Variants in NDUFAF2 observed in about 807,000 individuals in gnomAD.
NDUFAF2 encodes the protein NADH:ubiquinone oxidoreductase complex assembly factor 2.
A neutral mutation model predicts 22.8 loss-of-function variants in NDUFAF2; 13 were observed. That is an observed-to-expected ratio of 0.57 (90% CI 0.37 to 0.91). NDUFAF2 has a LOEUF of 0.91. Ranked by LOEUF, NDUFAF2 falls within the 40% of genes least tolerant of loss-of-function variation. NDUFAF2 has a pLI of 0.01. For synonymous variants in NDUFAF2, 53 were observed against 64.2 expected, an observed-to-expected ratio of 0.83 and a Z score of 0.84; for missense variants, 162 against 195.2, an observed-to-expected ratio of 0.83 and a Z score of 1.01.
At chr5:61,056,698 G>C (rs976041883) in intron 1 of NDUFAF2, among the ~76,000 whole-genome samples, 5 of 151,294 alleles carry the variant, frequency 3.3e-5, no homozygotes, top group Non-Finnish European at 5.9e-5. Context: ...AACCAGCCTG[G>C]CCAACATGGT....
chr5:60,976,220 A>T (rs182303247), intron 1 of NDUFAF2, among the ~76,000 whole-genome samples: 19 of 152,296 alleles, frequency 1.2e-4, no homozygotes, highest in Non-Finnish European at 2.2e-4. Context: ...GTAAATTTTT[A>T]AAAAAATTTA....
intron 3 of NDUFAF2, among the ~76,000 whole-genome samples, chr5:61,152,062 A>G (rs866576042): frequency 1.1e-4 from 17 of 152,322 alleles, no homozygotes; most frequent in African/African-American, 3.8e-4. Flanking sequence ...TAGAATTCTG[A>G]GGAACAGAAC....
intron 1 of NDUFAF2, among the ~76,000 whole-genome samples, chr5:60,998,603 G>A (rs1280172229): frequency 6.6e-6 from 1 of 151,974 alleles, no homozygotes; most frequent in Non-Finnish European, 1.5e-5. Flanking sequence ...AAAATGTGAT[G>A]GGGTTCGAGT....
At chr5:61,084,816 A>G (rs771479549) in intron 2 of NDUFAF2, among the ~76,000 whole-genome samples, 1 of 152,184 alleles carries the variant, frequency 6.6e-6, no homozygotes, top group African/African-American at 2.4e-5. Context: ...ATTTAAACCT[A>G]TGTAAATAGG....
At chr5:61,143,786 T>C (rs964251206) in intron 3 of NDUFAF2, among the ~76,000 whole-genome samples, 1 of 152,142 alleles carries the variant, frequency 6.6e-6, no homozygotes, top group Non-Finnish European at 1.5e-5. Context: ...GTTGAATTTA[T>C]TTTAAATTAT....
intron 1 of NDUFAF2, among the ~76,000 whole-genome samples, chr5:60,991,066 C>G (rs906964965): frequency 6.6e-6 from 1 of 152,128 alleles, no homozygotes; most frequent in Non-Finnish European, 1.5e-5. Flanking sequence ...CCAATTAACA[C>G]TTTTGAACTA....
chr5:60,978,416 A>G (rs1750931802), intron 1 of NDUFAF2, among the ~76,000 whole-genome samples: 1 of 152,184 alleles, frequency 6.6e-6, no homozygotes, highest in Non-Finnish European at 1.5e-5. Context: ...CAGGAAGCAT[A>G]GTGGCTTCTA....
chr5:61,137,719 G>A (rs933811004), intron 3 of NDUFAF2, among the ~76,000 whole-genome samples: 5 of 152,166 alleles, frequency 3.3e-5, no homozygotes, highest in Non-Finnish European at 7.4e-5. Flanking sequence ...TGGAGAGGTC[G>A]GCAGCAATTG....
chr5:61,091,005 C>T (rs1038038477), intron 2 of NDUFAF2, among the ~76,000 whole-genome samples: 5 of 152,116 alleles, frequency 3.3e-5, no homozygotes, highest in African/African-American at 1.2e-4. Context: ...CATGTCCCTA[C>T]AAAGGCATGA....
At chr5:61,135,881 A>G (rs1579849408) in intron 3 of NDUFAF2, among the ~76,000 whole-genome samples, 1 of 151,278 alleles carries the variant, frequency 6.6e-6, no homozygotes, top group South Asian at 2.1e-4. Context: ...CTAAGTGGAT[A>G]TAGGAGCTTG....
intron 2 of NDUFAF2, 33 bp downstream of exon 2, chr5:61,073,247 A>C: frequency 6.9e-7 from 1 of 1,451,940 alleles, no homozygotes; most frequent in Non-Finnish European, 9.7e-7. Context: ...ATCTCATGGG[A>C]GGTAAGTTAT....
At chr5:61,038,218 T>A (rs1450457045) in intron 1 of NDUFAF2, among the ~76,000 whole-genome samples, 2 of 152,010 alleles carry the variant, frequency 1.3e-5, no homozygotes, top group Admixed American at 6.6e-5. Flanking sequence ...TGTACATAGA[T>A]CATCAAAAAT....
At chr5:61,112,714 G>T (rs924334311) in intron 3 of NDUFAF2, among the ~76,000 whole-genome samples, 2 of 151,954 alleles carry the variant, frequency 1.3e-5, no homozygotes, top group African/African-American at 4.8e-5. Context: ...CAGCTAATTT[G>T]TCTTTTAATA....
chr5:61,087,817 C>G (rs1484013680), intron 2 of NDUFAF2, among the ~76,000 whole-genome samples: 2 of 152,116 alleles, frequency 1.3e-5, no homozygotes, highest in African/African-American at 4.8e-5. Flanking sequence ...GAATACTACA[C>G]ATCAATAAAA....
At chr5:60,957,699 A>G (rs1037975079) in intron 1 of NDUFAF2, among the ~76,000 whole-genome samples, 2 of 152,088 alleles carry the variant, frequency 1.3e-5, no homozygotes, top group African/African-American at 4.8e-5. Context: ...TGGTAGAATT[A>G]CTTTGGTAGA....
chr5:60,969,116 AC>A (rs1158167578), intron 1 of NDUFAF2, among the ~76,000 whole-genome samples: 1 of 152,048 alleles, frequency 6.6e-6, no homozygotes, highest in Non-Finnish European at 1.5e-5. Context: ...TTGTCTGTTA[AC>A]GGACATTTAG....
intron 3 of NDUFAF2, among the ~76,000 whole-genome samples, chr5:61,102,808 A>G (rs565860875): frequency 6.7e-6 from 1 of 148,858 alleles, no homozygotes; most frequent in Non-Finnish European, 1.5e-5. Context: ...AAAGAAGCTA[A>G]CAAATATTGG....
intron 1 of NDUFAF2, among the ~76,000 whole-genome samples, chr5:61,023,052 A>G (rs1042294805): frequency 6.6e-6 from 1 of 152,140 alleles, no homozygotes; most frequent in Non-Finnish European, 1.5e-5. Flanking sequence ...GAAGGGATTC[A>G]TGTGGCTCAT....
At chr5:61,135,691 T>C (rs1175828556) in intron 3 of NDUFAF2, among the ~76,000 whole-genome samples, 1 of 152,028 alleles carries the variant, frequency 6.6e-6, no homozygotes, top group Non-Finnish European at 1.5e-5. Context: ...TGAGAACCAC[T>C]GCTCTGGATA....
Sources: gnomAD v4.1 joint callset for allele counts (sites outside exome capture counted in the v4.1 genomes callset) on GRCh38, gnomAD v4.1.1 for gene constraint, MANE v1.5 for transcripts, NCBI Gene and HGNC (gene_info 2026-07-23, HGNC 2026-07-21) for gene names.